The following SORD variants were observed in gnomAD, a reference collection of about 807,000 sequenced individuals.
The protein encoded by SORD is sorbitol dehydrogenase.
Under a neutral mutation model 35.6 loss-of-function variants are expected in SORD, and 18 were observed. That is an observed-to-expected ratio of 0.51 (90% CI 0.35 to 0.75). The LOEUF (loss-of-function observed/expected upper bound fraction) is 0.75, where lower values mean the gene tolerates loss of function less well. SORD is among the 30% of genes least tolerant of loss of function. The pLI, the probability that SORD is intolerant of heterozygous loss-of-function variation, is 0.01. For missense variants in SORD, 250 were observed against 390.2 expected, an observed-to-expected ratio of 0.64 and a Z score of 3.03; for synonymous variants, 106 against 152.9, an observed-to-expected ratio of 0.69 and a Z score of 2.26.
chr15:45,023,298 C>CA lies in SORD; in HGVS notation c.17dup (p.Pro7AlafsTer23). On this transcript the variant is annotated frameshift_variant, in exon 1 of 9. Coordinates refer to ENST00000267814, the MANE Select transcript of SORD (RefSeq NM_003104.6). LOFTEE classifies it high-confidence loss of function. The stretch of plus-strand genomic sequence containing the variant: ...AAAAGAGCTCCATGGCGGCGGCGGC[C>CA]AAGCCCAACAACCTTTCCCTGGTGG... The CA allele has an allele frequency of 6.3e-7, 1 of 1,587,700 alleles. No individual in the cohort carries two copies. The highest frequency in any genetic ancestry group is 8.6e-7 in the Non-Finnish European group (1 of 1,168,738).
At chr15:45,062,392 G>T (rs1439171818) in intron 4 of SORD, among the ~76,000 whole-genome samples, 1 of 152,208 alleles carries the variant, frequency 6.6e-6, no homozygotes, top group South Asian at 2.1e-4. Context: ...GGCCCCAGCC[G>T]TGGAGCTCTA....
At chr15:45,044,778 A>C (rs1257287659) in intron 3 of SORD, among the ~76,000 whole-genome samples, 1 of 150,162 alleles carries the variant, frequency 6.7e-6, no homozygotes, top group Non-Finnish European at 1.5e-5. Flanking sequence ...GCCTTGCTGC[A>C]ACCTCCACCT....
chr15:45,045,112 C>A (rs1326964484), intron 3 of SORD, among the ~76,000 whole-genome samples: 1 of 152,206 alleles, frequency 6.6e-6, no homozygotes, highest in Non-Finnish European at 1.5e-5. Flanking sequence ...GGTCTCAGAA[C>A]TGGGATACCC....
At chr15:45,050,017 A>T (rs1237956303) in intron 3 of SORD, among the ~76,000 whole-genome samples, 1 of 152,254 alleles carries the variant, frequency 6.6e-6, no homozygotes, top group Admixed American at 6.5e-5. Context: ...AGCAAGAATA[A>T]TTATTTCTAC....
chr15:45,040,120 T>C (rs948729104), intron 1 of SORD, among the ~76,000 whole-genome samples: 1 of 151,898 alleles, frequency 6.6e-6, no homozygotes, highest in African/African-American at 2.4e-5. Flanking sequence ...ATGTCACTAC[T>C]GACAACAAGT....
intron 3 of SORD, among the ~76,000 whole-genome samples, chr15:45,045,120 C>A (rs1250686883): frequency 2.0e-5 from 3 of 152,174 alleles, no homozygotes; most frequent in Admixed American, 2.0e-4. Context: ...AACTGGGATA[C>A]CCACCCTGGT....
intron 1 of SORD, among the ~76,000 whole-genome samples, chr15:45,032,705 C>T (rs954503481): frequency 2.2e-4 from 34 of 152,142 alleles, no homozygotes; most frequent in African/African-American, 8.2e-4. Context: ...AGAGCTTGGG[C>T]TGGAGACCAG....
At chr15:45,041,885 A>G (rs1281749699) in intron 2 of SORD, 1 of 152,150 alleles carries the variant, frequency 6.6e-6, no homozygotes, top group Non-Finnish European at 1.5e-5. Flanking sequence ...ATCTCTCACT[A>G]CCAATTGCTA....
chr15:45,048,855 C>T (rs1247292711), intron 3 of SORD, among the ~76,000 whole-genome samples: 1 of 152,180 alleles, frequency 6.6e-6, no homozygotes, highest in Non-Finnish European at 1.5e-5. Context: ...AGAAACTTCC[C>T]TTATCTATGT....
intron 3 of SORD, among the ~76,000 whole-genome samples, chr15:45,047,470 T>G (rs1191640551): frequency 6.6e-6 from 1 of 152,138 alleles, no homozygotes; most frequent in African/African-American, 2.4e-5. Flanking sequence ...CACCTGAGCT[T>G]CTGTTTCCTC....
intron 1 of SORD, among the ~76,000 whole-genome samples, chr15:45,026,790 C>A (rs1390412086): frequency 6.6e-6 from 1 of 152,238 alleles, no homozygotes; most frequent in Non-Finnish European, 1.5e-5. Flanking sequence ...ATGTCTCAAC[C>A]TTTCCCACTG....
At chr15:45,046,462 C>T (rs1334484450) in intron 3 of SORD, among the ~76,000 whole-genome samples, 2 of 152,118 alleles carry the variant, frequency 1.3e-5, no homozygotes. Context: ...AAGCTGGTCT[C>T]AAACTCCTGA....
At chr15:45,057,712 G>C (rs563845382) in intron 3 of SORD, among the ~76,000 whole-genome samples, 25 of 152,276 alleles carry the variant, frequency 1.6e-4, no homozygotes, top group African/African-American at 5.1e-4. Flanking sequence ...GAACCTGGGA[G>C]GCAGAGCTTG....
At chr15:45,072,810 G>C (rs1333554213) in intron 8 of SORD, among the ~76,000 whole-genome samples, 1 of 142,444 alleles carries the variant, frequency 7.0e-6, no homozygotes, top group Non-Finnish European at 1.5e-5. Flanking sequence ...ATCAAGTCCT[G>C]TGGCTTCCGT....
At chr15:45,067,332 C>T (rs1893423551) in intron 5 of SORD, among the ~76,000 whole-genome samples, 1 of 152,130 alleles carries the variant, frequency 6.6e-6, no homozygotes, top group African/African-American at 2.4e-5. Flanking sequence ...TGCACTCCAG[C>T]CTGGGTGACA....
chr15:45,044,595 A>G (rs1163751549), intron 3 of SORD, among the ~76,000 whole-genome samples: 1 of 151,426 alleles, frequency 6.6e-6, no homozygotes, highest in African/African-American at 2.4e-5. Context: ...TGAGCTAGAC[A>G]TCTAACAGTA....
chr15:45,029,928 C>T (rs552201280), intron 1 of SORD, among the ~76,000 whole-genome samples: 31,131 of 150,510 alleles, frequency 0.21, no homozygotes, highest in African/African-American at 0.44. Flanking sequence ...ATAGGAAGTG[C>T]GTATTGATGG....
chr15:45,038,135 CCTT>C (rs2141267787), intron 1 of SORD, among the ~76,000 whole-genome samples: 1 of 43,186 alleles, frequency 2.3e-5, no homozygotes, highest in Non-Finnish European at 4.3e-5. Context: ...TCCCTTCCTT[CCTT>C]CCTTCCTTCC....
intron 5 of SORD, among the ~76,000 whole-genome samples, chr15:45,066,683 G>T (rs1021903072): frequency 1.3e-5 from 2 of 152,208 alleles, no homozygotes; most frequent in Non-Finnish European, 1.5e-5. Context: ...GTACGCTCAC[G>T]CTCCTTGTGG....
Sources: allele counts gnomAD v4.1 joint callset (sites outside exome capture counted in the v4.1 genomes callset), GRCh38; gene constraint gnomAD v4.1.1; transcripts MANE v1.5; gene names NCBI Gene and HGNC (gene_info 2026-07-23, HGNC 2026-07-21).